GLRA1: variants seen among roughly 807,000 people sequenced by gnomAD.
GLRA1 encodes glycine receptor subunit alpha-1.
GLRA1 carries 37 observed loss-of-function variants against 48.3 expected under a neutral mutation model. That is an observed-to-expected ratio of 0.77 (90% CI 0.59 to 1.01). The LOEUF (loss-of-function observed/expected upper bound fraction) is 1.01, where lower values mean the gene tolerates loss of function less well. GLRA1 is among the 50% of genes least tolerant of loss of function. GLRA1 has a pLI of 0.00. For synonymous variants in GLRA1, 196 were observed against 210.7 expected (o/e 0.93, Z 0.60); for missense variants, 427 against 571.0 (o/e 0.75, Z 2.57).
At chr5:151,849,070 CTTTCTTTCT>C (rs1289015243) in intron 7 of GLRA1, 1 of 407,786 alleles carries the variant, frequency 2.5e-6, no homozygotes, top group Non-Finnish European at 4.6e-6. Flanking sequence ...AGTGGGATTT[CTTTCTTTCT>C]TTTCTTTCCT....
chr5:151,871,265 G>A (rs1190209293), intron 3 of GLRA1, among the ~76,000 whole-genome samples: 6 of 149,504 alleles, frequency 4.0e-5, no homozygotes, highest in Non-Finnish European at 7.4e-5. Flanking sequence ...GACCCAAGAA[G>A]ATAAGAAGGG....
chr5:151,856,212 G>A (rs1753037556), intron 5 of GLRA1, 89 bp downstream of exon 5: 3 of 843,958 alleles, frequency 3.6e-6, no homozygotes, highest in African/African-American at 1.7e-5. Flanking sequence ...GGGGTCTAGT[G>A]GTTAGGAGCA....
intron 3 of GLRA1, among the ~76,000 whole-genome samples, chr5:151,865,781 G>A (rs559796727): frequency 1.3e-5 from 2 of 152,074 alleles, no homozygotes; most frequent in Admixed American, 6.6e-5. Flanking sequence ...AGCGAGAGAC[G>A]GAGAATGTAC....
intron 7 of GLRA1, among the ~76,000 whole-genome samples, chr5:151,830,682 T>C (rs917314355): frequency 2.0e-5 from 3 of 152,246 alleles, no homozygotes; most frequent in African/African-American, 7.2e-5. Context: ...GATTTTTAGC[T>C]GACTACCAAC....
chr5:151,835,509 A>C (rs1336580974), intron 7 of GLRA1, among the ~76,000 whole-genome samples: 1 of 152,208 alleles, frequency 6.6e-6, no homozygotes, highest in Non-Finnish European at 1.5e-5. Flanking sequence ...CACAACAAAA[A>C]AAGAGAATTT....
intron 1 of GLRA1, among the ~76,000 whole-genome samples, chr5:151,898,975 G>A (rs903816810): frequency 9.9e-5 from 15 of 152,180 alleles, no homozygotes; most frequent in African/African-American, 3.1e-4. Flanking sequence ...AACAGCATGT[G>A]TAGTTTAGAA....
rs866003017 is a variant in GLRA1, at chr5:151,849,116, C to A, written c.912+2274G>T. Reference sequence around the variant, plus strand: ...TTTATTTCTTTTCTTTTCTTTCTTTCTTTCTTTCTTTCTTTCTTTCTTTCT... The same window carrying A: ...TTTATTTCTTTTCTTTTCTTTCTTTATTTCTTTCTTTCTTTCTTTCTTTCT... On this transcript the variant is annotated intron_variant, in intron 7 of 8. Transcript: ENST00000274576. 208 of 185,988 alleles carry A rather than the reference C, an allele frequency of 1.1e-3. 2 individuals carry two copies. Among genetic ancestry groups the A allele is most frequent in the South Asian group, 7.8e-3 (33 of 4,214 alleles). The allele number at this position is 185,988 out of a possible 1,614,324, so 11.5% of individuals were successfully genotyped here. A position where few individuals can be genotyped will look rare whatever the true frequency, so the allele number is the denominator to read the frequency against.
intron 1 of GLRA1, among the ~76,000 whole-genome samples, chr5:151,912,854 T>A (rs940435230): frequency 2.0e-5 from 3 of 152,180 alleles, no homozygotes; most frequent in African/African-American, 2.4e-5. Context: ...TTCACATGCA[T>A]CAAGAAATTC....
At chr5:151,878,362 G>T (rs1340811704) in intron 3 of GLRA1, among the ~76,000 whole-genome samples, 1 of 152,204 alleles carries the variant, frequency 6.6e-6, no homozygotes, top group Non-Finnish European at 1.5e-5. Flanking sequence ...TTTTATAAGG[G>T]AAGCAGAGCA....
At chr5:151,856,197 C>T in intron 5 of GLRA1, 104 bp downstream of exon 5, 1 of 765,020 alleles carries the variant, frequency 1.3e-6, no homozygotes, top group Non-Finnish European at 2.3e-6. Flanking sequence ...TTACAGTAAT[C>T]TCCTGGGGTC....
intron 2 of GLRA1, among the ~76,000 whole-genome samples, chr5:151,887,720 G>A (rs527867528): frequency 3.3e-5 from 5 of 152,288 alleles, no homozygotes; most frequent in African/African-American, 4.8e-5. Context: ...GCATGCTCAC[G>A]ATCACACAGA....
chr5:151,873,622 C>T (rs899126430), intron 3 of GLRA1, among the ~76,000 whole-genome samples: 7 of 149,216 alleles, frequency 4.7e-5, no homozygotes, highest in East Asian at 3.9e-4. Context: ...ATTGAGATCA[C>T]GCCACTGCAC....
At chr5:151,889,934 A>G (rs1287718561) in intron 2 of GLRA1, among the ~76,000 whole-genome samples, 5 of 151,994 alleles carry the variant, frequency 3.3e-5, no homozygotes, top group Non-Finnish European at 5.9e-5. Flanking sequence ...AGTTAAGGCT[A>G]GTTGCAGGGT....
intron 3 of GLRA1, among the ~76,000 whole-genome samples, chr5:151,876,515 T>C (rs536956673): frequency 6.6e-6 from 1 of 152,366 alleles, no homozygotes; most frequent in South Asian, 2.1e-4. Flanking sequence ...TATTAACTTC[T>C]GTGTTCCACA....
At chr5:151,859,682 C>A (rs969193856) in intron 4 of GLRA1, 103 bp downstream of exon 4, 18 of 828,300 alleles carry the variant, frequency 2.2e-5, no homozygotes, top group Non-Finnish European at 3.7e-5. Flanking sequence ...GTTGCCAGGG[C>A]CTGTTCACCT....
intron 3 of GLRA1, 112 bp from the exon 4 acceptor site, chr5:151,860,120 T>C: frequency 2.6e-6 from 2 of 762,510 alleles, no homozygotes; most frequent in East Asian, 5.3e-5. Flanking sequence ...TGTTATTAAG[T>C]GTGGTTGCAT....
chr5:151,873,057 T>A lies in GLRA1; in HGVS notation c.253-13049A>T, dbSNP rs145077031. On this transcript the variant is annotated intron_variant, in intron 3 of 8. Coordinates refer to ENST00000274576, the MANE Select transcript of GLRA1 (RefSeq NM_000171.4). ...GGGCATTCTTATTTCTCATTCTCTT[T>A]TTCTTTTTTATTGAACTAATTACAA... 6.1e-3 allele frequency among the ~76,000 whole-genome samples: 914 copies of A among 149,954 alleles called. 12 individuals are homozygous for A. The highest frequency in any genetic ancestry group is 9.5e-3 in the Non-Finnish European group (644 of 68,016).
At chr5:151,892,717 A>G (rs1374289665) in intron 1 of GLRA1, among the ~76,000 whole-genome samples, 1 of 152,182 alleles carries the variant, frequency 6.6e-6, no homozygotes, top group African/African-American at 2.4e-5. Flanking sequence ...GAGTAATCAC[A>G]CTTGGCAGCT....
Position 151,886,815 on chromosome 5 carries a change from A to G in GLRA1, c.185-27T>C, listed in dbSNP as rs967883496. On this transcript the variant is annotated intron_variant, in intron 2 of 8. Transcript: ENST00000274576. ...TGCCAATCAAGAGAGATTCCTGCTT[A>G]GCCCCAAGGCCATGGAAGAACCCAC... is the stretch of plus-strand genomic sequence containing the variant. The G allele has an allele frequency of 1.5e-5, 23 of 1,569,128 alleles. No individual in the cohort carries two copies. In the African/African-American group the frequency reaches 3.1e-4, roughly 21 times the overall value.
Sources: allele counts gnomAD v4.1 joint callset (sites outside exome capture counted in the v4.1 genomes callset), GRCh38; gene constraint gnomAD v4.1.1; transcripts MANE v1.5; gene names NCBI Gene and HGNC (gene_info 2026-07-23, HGNC 2026-07-21).